NAV1: variants seen among roughly 807,000 people sequenced by gnomAD.
NAV1 encodes pore membrane and/or filament interacting like protein 3.
A neutral mutation model predicts 175.2 loss-of-function variants in NAV1; 18 were observed. The ratio of observed to expected loss-of-function variants is 0.10; its 90% CI spans 0.07 to 0.15. The LOEUF is 0.15. Among genes scored for constraint, NAV1 ranks in the 10% least tolerant of loss-of-function variants. The pLI, the probability that NAV1 is intolerant of heterozygous loss-of-function variation, is 1.00. For synonymous variants in NAV1, 897 were observed against 978.7 expected (o/e 0.92, Z 1.56); for missense variants, 1,731 against 2,436.6 (o/e 0.71, Z 6.10).
chr1:201,702,675 T>A (rs239965), intron 1 of NAV1, among the ~76,000 whole-genome samples: 9 of 14,604 alleles, frequency 6.2e-4, no homozygotes, highest in Admixed American at 1.3e-3. Context: ...ATGTGAATTC[T>A]CTCTCTCTCT....
At chr1:201,706,714 G>T (rs995600494) in intron 1 of NAV1, among the ~76,000 whole-genome samples, 2 of 152,188 alleles carry the variant, frequency 1.3e-5, no homozygotes, top group African/African-American at 4.8e-5. Flanking sequence ...TAGAAGTCAG[G>T]TGCAAATGCA....
intron 2 of NAV1, among the ~76,000 whole-genome samples, chr1:201,598,461 T>C (rs982374802): frequency 1.1e-4 from 16 of 151,804 alleles, no homozygotes; most frequent in African/African-American, 3.6e-4. Context: ...AGGGTGGAAA[T>C]GGTGTGAGTG....
intron 3 of NAV1, among the ~76,000 whole-genome samples, chr1:201,778,100 C>A (rs972841536): frequency 6.6e-6 from 1 of 152,134 alleles, no homozygotes; most frequent in Non-Finnish European, 1.5e-5. Flanking sequence ...CTCTAGCCAA[C>A]CTTCCTTGGT....
At chr1:201,655,989 G>A (rs568717611) in intron 1 of NAV1, among the ~76,000 whole-genome samples, 1 of 152,330 alleles carries the variant, frequency 6.6e-6, no homozygotes, top group Non-Finnish European at 1.5e-5. Context: ...GTAGAGATGG[G>A]AGGGCATGGA....
At position 201,787,992 on chromosome 1, in the gene NAV1, C is replaced by T. The variant is rs535284817; in HGVS notation, c.2996-476C>T. On this transcript the variant is annotated intron_variant, in intron 9 of 29. Transcript: ENST00000367296. The surrounding 1 kb of genome is among the most constrained non-coding windows in gnomAD (Gnocchi z 4.3). Reference sequence around the variant, plus strand: ...ACGCCCTTCCACAATGCCAGGGCAACGGGATCCCGTAGCCCAGCCCCCTTC... The same window carrying T: ...ACGCCCTTCCACAATGCCAGGGCAATGGGATCCCGTAGCCCAGCCCCCTTC... Among the ~76,000 whole-genome samples the T allele has an allele frequency of 5.6e-4, 85 of 152,308 alleles. No individual in the cohort carries two copies. The highest frequency in any genetic ancestry group is 6.3e-4 in the African/African-American group (26 of 41,560).
chr1:201,807,804 A>G lies in NAV1; in HGVS notation c.3649-149A>G, dbSNP rs1177968893. The G allele has an allele frequency of 2.0e-5, 15 of 754,878 alleles. 1 individual carries two copies. The highest frequency in any genetic ancestry group is 2.9e-5 in the Non-Finnish European group (13 of 447,282). The allele number at this position is 754,878 out of a possible 1,614,324, so 46.8% of individuals were successfully genotyped here. ...TAGGCAACTCTTCTGTCCGTATTCT[A>G]TGAATCAAGTGAAGTGTTATAGAGG... On this transcript the variant is annotated intron_variant, in intron 17 of 29. Transcript: ENST00000367296. This position sits in a 1 kb window ranked among gnomAD's most constrained non-coding sequence, Gnocchi z 5.4.
Position 201,685,031 on chromosome 1 carries a change from G to C in NAV1, c.758-27786G>C, listed in dbSNP as rs1670627442. Among the ~76,000 whole-genome samples, 6 of 148,162 alleles carry C rather than the reference G, an allele frequency of 4.0e-5. No homozygotes were observed. In the South Asian group the frequency reaches 1.3e-3, roughly 32 times the overall value. On this transcript the variant is annotated intron_variant, in intron 1 of 29. Coordinates refer to ENST00000367296, the Ensembl canonical transcript of NAV1. Reference sequence around the variant, plus strand: ...GTGGCTTATGCCTGTAATCCCAACTGTTTGGGGAGGCCAAGGTGGGTGGAT... The same window carrying C: ...GTGGCTTATGCCTGTAATCCCAACTCTTTGGGGAGGCCAAGGTGGGTGGAT...
At chr1:201,582,221 A>G (rs752148493) in intron 1 of NAV1, among the ~76,000 whole-genome samples, 13 of 152,248 alleles carry the variant, frequency 8.5e-5, no homozygotes, top group Non-Finnish European at 1.9e-4. Flanking sequence ...AGTTTGTATC[A>G]GTCATTCTTA....
chr1:201,588,354 G>A (rs1001063442), intron 1 of NAV1, among the ~76,000 whole-genome samples, 185 bp from the exon 2 acceptor site: 24 of 152,086 alleles, frequency 1.6e-4, no homozygotes, highest in Non-Finnish European at 1.5e-5. Flanking sequence ...GTTTTTGTTT[G>A]TTTGTTTTTA....
chr1:201,614,483 A>G (rs188010734), intron 2 of NAV1, among the ~76,000 whole-genome samples: 75 of 152,332 alleles, frequency 4.9e-4, no homozygotes, highest in Non-Finnish European at 9.0e-4. Context: ...GCCGCCGAAT[A>G]CTGGTGCTCG....
chr1:201,619,062 C>G (rs1041331439), upstream of NAV1, among the ~76,000 whole-genome samples: 1 of 152,076 alleles, frequency 6.6e-6, no homozygotes, highest in Non-Finnish European at 1.5e-5. Context: ...TATCAAGTTG[C>G]GGAAGGAGGA....
intron 1 of NAV1, among the ~76,000 whole-genome samples, chr1:201,710,784 A>G (rs1438334046): frequency 6.6e-6 from 1 of 152,222 alleles, no homozygotes; most frequent in African/African-American, 2.4e-5. Flanking sequence ...CAGTAGCACA[A>G]ATCTCCCAGA....
At chr1:201,577,331 A>G (rs1666717881) in intron 1 of NAV1, among the ~76,000 whole-genome samples, 1 of 152,092 alleles carries the variant, frequency 6.6e-6, no homozygotes, top group South Asian at 2.1e-4. Flanking sequence ...CCTTTTATGG[A>G]TTGTGCTTTT....
chr1:201,731,824 T>A (rs1348472993), intron 3 of NAV1, among the ~76,000 whole-genome samples: 1 of 151,938 alleles, frequency 6.6e-6, no homozygotes, highest in Non-Finnish European at 1.5e-5. Flanking sequence ...TTCTGCTGAG[T>A]GTTATTAGAA....
At chr1:201,647,499 G>A (rs7364578), upstream of NAV1, among the ~76,000 whole-genome samples, 31,138 of 152,042 alleles carry the variant, frequency 0.2, 3,906 homozygotes, top group Admixed American at 0.37. Context: ...GAACCAGAGG[G>A]GTTCAATGAC....
chr1:201,687,761 T>C (rs2102409858), intron 1 of NAV1, among the ~76,000 whole-genome samples: 1 of 152,312 alleles, frequency 6.6e-6, no homozygotes, highest in African/African-American at 2.4e-5. Flanking sequence ...CTAGTGAACA[T>C]GGTGCCCCAC....
In NAV1 at chr1:201,809,277, G is replaced by C; in HGVS notation, c.4305+16G>C. On this transcript the variant is annotated intron_variant, in intron 21 of 29. Coordinates refer to ENST00000367296, the Ensembl canonical transcript of NAV1. Reference sequence around the variant, plus strand: ...CATCAAAGGGGTAAGGAACTTCAGGGAGAGCCACAGTGGGAATGAACAAAT... The same window carrying C: ...CATCAAAGGGGTAAGGAACTTCAGGCAGAGCCACAGTGGGAATGAACAAAT... 1 of 1,612,422 alleles carries C rather than the reference G, an allele frequency of 6.2e-7. No homozygotes were observed. Among genetic ancestry groups the C allele is most frequent in the Non-Finnish European group, 8.5e-7 (1 of 1,178,526 alleles).
intron 2 of NAV1, among the ~76,000 whole-genome samples, chr1:201,612,191 C>T (rs1053509549): frequency 2.6e-5 from 4 of 152,148 alleles, no homozygotes; most frequent in Admixed American, 6.5e-5. Flanking sequence ...TGGCTCATGC[C>T]TATAATGCCC....
intron 3 of NAV1, among the ~76,000 whole-genome samples, chr1:201,757,689 C>T: frequency 6.6e-6 from 1 of 152,228 alleles, no homozygotes; most frequent in East Asian, 1.9e-4. Context: ...ACCTGGGAAA[C>T]TATTCTGAGT....
Sources: gnomAD v4.1 joint callset for allele counts (sites outside exome capture counted in the v4.1 genomes callset) on GRCh38, gnomAD v4.1.1 for gene constraint, Gnocchi (gnomAD v3.1) non-coding constraint, MANE v1.5 for transcripts, NCBI Gene and HGNC (gene_info 2026-07-23, HGNC 2026-07-21) for gene names.